The following IQCK variants were observed in gnomAD, a reference collection of about 807,000 sequenced individuals.
The protein encoded by IQCK is IQ domain-containing protein K.
In IQCK, 29 loss-of-function variants were observed where a neutral mutation model predicts 28.1. The ratio of observed to expected loss-of-function variants is 1.03; its 90% CI spans 0.77 to 1.41. The LOEUF (loss-of-function observed/expected upper bound fraction) is 1.41. Among genes scored for constraint, IQCK ranks in the 40% most tolerant of loss-of-function variants. The pLI is 0.00. For synonymous variants in IQCK, 113 were observed against 115.1 expected, an observed-to-expected ratio of 0.98 and a Z score of 0.12; for missense variants, 359 against 314.7, an observed-to-expected ratio of 1.14 and a Z score of -1.07.
At chr16:19,855,926 G>A (rs1296805222) in intron 9 of IQCK, among the ~76,000 whole-genome samples, 1 of 152,138 alleles carries the variant, frequency 6.6e-6, no homozygotes, top group East Asian at 1.9e-4. Context: ...ATTGGGGAGA[G>A]GCTTTTATCT....
At chr16:19,733,282 C>T (rs889817388) in intron 2 of IQCK, among the ~76,000 whole-genome samples, 8 of 152,158 alleles carry the variant, frequency 5.3e-5, no homozygotes, top group East Asian at 1.9e-4. Context: ...GGATTACAGG[C>T]GCCCGCCACC....
chr16:19,737,531 G>A (rs2054775087), intron 4 of IQCK, among the ~76,000 whole-genome samples: 1 of 152,092 alleles, frequency 6.6e-6, no homozygotes, highest in Non-Finnish European at 1.5e-5. Context: ...TTTACTTGAG[G>A]CAGAAATGGA....
chr16:19,842,434 C>G (rs1312309157), intron 9 of IQCK, among the ~76,000 whole-genome samples: 6 of 152,100 alleles, frequency 3.9e-5, no homozygotes, highest in Non-Finnish European at 8.8e-5. Flanking sequence ...TTAGATTTTC[C>G]CTGAATTTGC....
exon 1 of IQCK, chr16:19,718,391 G>A: frequency 1.2e-6 from 2 of 1,606,362 alleles, no homozygotes; most frequent in Non-Finnish European, 8.5e-7. Context: ...CCGGACGCCG[G>A]TGCCCACCGT....
chr16:19,740,073 T>C (rs1457110950), intron 4 of IQCK, among the ~76,000 whole-genome samples: 2 of 152,206 alleles, frequency 1.3e-5, no homozygotes, highest in East Asian at 3.9e-4. Context: ...TCCCTCCTAG[T>C]AAATGGGAGT....
At chr16:19,848,583 C>T (rs990696874) in intron 9 of IQCK, among the ~76,000 whole-genome samples, 1 of 152,168 alleles carries the variant, frequency 6.6e-6, no homozygotes, top group Non-Finnish European at 1.5e-5. Flanking sequence ...AAGGAAACCA[C>T]ATTTCTTGAG....
intron 3 of IQCK, 172 bp downstream of exon 3, chr16:19,733,999 A>G: frequency 1.7e-6 from 1 of 585,148 alleles, no homozygotes; most frequent in Non-Finnish European, 2.9e-6. Context: ...TTTATCTTTA[A>G]GGTTAAAAAT....
At chr16:19,753,682 C>T (rs946015047) in intron 4 of IQCK, among the ~76,000 whole-genome samples, 3 of 151,970 alleles carry the variant, frequency 2.0e-5, no homozygotes, top group African/African-American at 7.3e-5. Flanking sequence ...TTTATTGGCT[C>T]AGGAAACTAG....
intron 4 of IQCK, among the ~76,000 whole-genome samples, chr16:19,739,657 A>G (rs1365881641): frequency 6.6e-6 from 1 of 152,226 alleles, no homozygotes; most frequent in Non-Finnish European, 1.5e-5. Flanking sequence ...TCTACAAAAA[A>G]TACGAAAATT....
chr16:19,779,752 C>A (rs1276235980), intron 6 of IQCK, among the ~76,000 whole-genome samples: 1 of 151,184 alleles, frequency 6.6e-6, no homozygotes, highest in Non-Finnish European at 1.5e-5. Context: ...GAGTCTCGCT[C>A]TGTCGCCCAG....
At chr16:19,853,745 C>T (rs1415185043) in intron 9 of IQCK, among the ~76,000 whole-genome samples, 1 of 152,240 alleles carries the variant, frequency 6.6e-6, no homozygotes, top group Middle Eastern at 3.2e-3. Context: ...TCTCCTGCCT[C>T]AGGCTCCCAA....
chr16:19,743,262 A>C (rs949620507), intron 4 of IQCK, among the ~76,000 whole-genome samples: 2 of 152,234 alleles, frequency 1.3e-5, no homozygotes, highest in Non-Finnish European at 2.9e-5. Flanking sequence ...ACCTTTATTC[A>C]GTTTGTTGTA....
chr16:19,843,809 G>C (rs1005384710), intron 9 of IQCK, among the ~76,000 whole-genome samples: 1 of 152,112 alleles, frequency 6.6e-6, no homozygotes, highest in Admixed American at 6.6e-5. Flanking sequence ...AGTTCTACCA[G>C]ATCAGGTATA....
At chr16:19,768,015 CTT>C (rs755206514) in intron 6 of IQCK, among the ~76,000 whole-genome samples, 42 of 131,590 alleles carry the variant, frequency 3.2e-4, no homozygotes, top group African/African-American at 3.3e-4. Flanking sequence ...TTTTTTTTTG[CTT>C]TTTTTTTTTT....
chr16:19,744,943 TACA>T (rs1380743932), intron 4 of IQCK, among the ~76,000 whole-genome samples: 1 of 152,212 alleles, frequency 6.6e-6, no homozygotes, highest in Non-Finnish European at 1.5e-5. Flanking sequence ...CAGCCATGTA[TACA>T]ACAAGCCAAA....
At chr16:19,855,365 G>C (rs1381406848) in intron 9 of IQCK, among the ~76,000 whole-genome samples, 1 of 152,192 alleles carries the variant, frequency 6.6e-6, no homozygotes, top group Non-Finnish European at 1.5e-5. Context: ...GCTGAGGCGG[G>C]TGGATCACTT....
At chr16:19,807,256 G>C (rs1209454093) in intron 7 of IQCK, among the ~76,000 whole-genome samples, 1 of 152,196 alleles carries the variant, frequency 6.6e-6, no homozygotes, top group Non-Finnish European at 1.5e-5. Context: ...AGGCCCAGCT[G>C]ACATCCTAAC....
exon 1 of IQCK, chr16:19,718,362 C>T (rs1241659014): frequency 6.2e-7 from 1 of 1,610,032 alleles, no homozygotes; most frequent in South Asian, 1.1e-5. Context: ...CCCAGCTGCT[C>T]TACAGACTCG....
chr16:19,850,687 T>A lies in IQCK; in HGVS notation c.803-5800T>A, dbSNP rs149655191. On this transcript the variant is annotated intron_variant, in intron 9 of 9. Coordinates refer to the IQCK transcript ENST00000320394. ...TTTTTCTGCCTCACCTTCTATACTG[T>A]GACCTCTTTGAGGGCAAAGAATATG... Among the ~76,000 whole-genome samples, 182 of 152,228 alleles carry A rather than the reference T, an allele frequency of 1.2e-3. 1 individual carries two copies. Among genetic ancestry groups the A allele is most frequent in the Middle Eastern group, 0.01 (3 of 294 alleles).
Sources: allele counts gnomAD v4.1 joint callset (sites outside exome capture counted in the v4.1 genomes callset), GRCh38; gene constraint gnomAD v4.1.1; transcripts MANE v1.5; gene names NCBI Gene and HGNC (gene_info 2026-07-23, HGNC 2026-07-21).